BMP7: variants seen among roughly 807,000 people sequenced by gnomAD.
BMP7 encodes osteogenic protein 1.
Under a neutral mutation model 41.2 loss-of-function variants are expected in BMP7, and 12 were observed. The ratio of observed to expected loss-of-function variants is 0.29; its 90% confidence interval spans 0.19 to 0.47. The LOEUF (loss-of-function observed/expected upper bound fraction) is 0.47, where lower values mean the gene tolerates loss of function less well. Among genes scored for constraint, BMP7 ranks in the 20% least tolerant of loss-of-function variants. The pLI is 0.99. For missense variants in BMP7, 467 were observed against 606.0 expected, an observed-to-expected ratio of 0.77 and a Z score of 2.41; for synonymous variants, 248 against 250.0, an observed-to-expected ratio of 0.99 and a Z score of 0.07.
intron 1 of BMP7, among the ~76,000 whole-genome samples, chr20:57,252,772 G>A (rs930344996): frequency 6.6e-6 from 1 of 152,138 alleles, no homozygotes; most frequent in African/African-American, 2.4e-5. Context: ...ACCACTGTGG[G>A]TCAGTGCGTT....
At chr20:57,232,337 G>A (rs1351391083) in intron 1 of BMP7, among the ~76,000 whole-genome samples, 4 of 152,152 alleles carry the variant, frequency 2.6e-5, no homozygotes, top group South Asian at 2.1e-4. Flanking sequence ...CTAAAACAAT[G>A]AGCCAGAAGA....
At chr20:57,231,581 G>A (rs888667897) in intron 1 of BMP7, among the ~76,000 whole-genome samples, 1 of 152,204 alleles carries the variant, frequency 6.6e-6, no homozygotes, top group Non-Finnish European at 1.5e-5. Context: ...ACCAGGAGCG[G>A]TGAAGCACAG....
At chr20:57,260,498 T>G (rs192926776) in intron 1 of BMP7, among the ~76,000 whole-genome samples, 1 of 152,358 alleles carries the variant, frequency 6.6e-6, no homozygotes. Context: ...GTTATCATTT[T>G]CACCACAAAT....
chr20:57,239,537 C>T (rs929100742), intron 1 of BMP7, among the ~76,000 whole-genome samples: 1 of 152,326 alleles, frequency 6.6e-6, no homozygotes, highest in Admixed American at 6.5e-5. Flanking sequence ...AGGACAGTGG[C>T]CCTCTTCTCA....
In BMP7 at chr20:57,234,833, T is replaced by C. The variant is rs1233187366; in HGVS notation, c.419-6412A>G. Among the ~76,000 whole-genome samples the C allele has an allele frequency of 5.9e-5, 9 of 152,370 alleles. No individual in the cohort carries two copies. The East Asian group carries it at 1.7e-3, about 29-fold the overall frequency. Reference sequence around the variant, plus strand: ...GATGCTTAGCAGGGCCTCATAAATCTTCTGCATTGAACACATTACTCTTCA... The same window carrying C: ...GATGCTTAGCAGGGCCTCATAAATCCTCTGCATTGAACACATTACTCTTCA... On this transcript the variant is annotated intron_variant, in intron 1 of 6. Transcript: ENST00000395863.
Position 57,170,844 on chromosome 20 carries a change from G to T in BMP7, c.*115C>A. 1 of 1,325,062 alleles carries T rather than the reference G, an allele frequency of 7.5e-7. No homozygotes were observed. The highest frequency in any genetic ancestry group is 2.4e-5 in the East Asian group (1 of 40,998). The allele number at this position is 1,325,062 out of a possible 1,614,324, so 82.1% of individuals were successfully genotyped here. On this transcript the variant is annotated 3_prime_UTR_variant, in exon 7 of 7. Coordinates refer to ENST00000395863, the MANE Select transcript of BMP7 (RefSeq NM_001719.3). ...TAATACTCTCACACCTTTAAAGTTG[G>T]GGATAGGGAGGGGAAGGTCTCACAA... is the stretch of plus-strand genomic sequence containing the variant.
intron 2 of BMP7, among the ~76,000 whole-genome samples, chr20:57,211,669 G>A (rs1038424820): frequency 3.3e-5 from 5 of 152,190 alleles, no homozygotes; most frequent in African/African-American, 1.2e-4. Flanking sequence ...CTGATAACAG[G>A]GGAGGCAGGA....
chr20:57,183,574 T>G, intron 4 of BMP7, 148 bp downstream of exon 4: 1 of 984,410 alleles, frequency 1.0e-6, no homozygotes, highest in Admixed American at 2.0e-5. Flanking sequence ...TGTGTAGGGG[T>G]GGATTTGGGG....
intron 3 of BMP7, among the ~76,000 whole-genome samples, chr20:57,188,082 A>G (rs1253996681): frequency 6.6e-6 from 1 of 152,232 alleles, no homozygotes; most frequent in Non-Finnish European, 1.5e-5. Flanking sequence ...ACGTGACCCA[A>G]CAATTCCACT....
In BMP7 at chr20:57,183,902, T is replaced by C. The variant is rs746454446; in HGVS notation, c.778A>G (p.Lys260Glu). Residue 260 changes from lysine to glutamate, a missense_variant, in exon 4 of 7, where the codon AAG becomes GAG. By Grantham distance (56) the Lys-to-Glu change is moderately conservative (BLOSUM62 1). Coordinates refer to ENST00000395863, the MANE Select transcript of BMP7 (RefSeq NM_001719.3). ...ETLDGQSINP[K>E]LAGLIGRHGP... ...TGCCGCCCAATCAGGCCCGCCAACT[T>C]GGGGTTGATGCTCTGCCCTGGACAG... is the stretch of plus-strand genomic sequence containing the variant. 1 of 1,613,832 alleles carries C rather than the reference T, an allele frequency of 6.2e-7. No homozygotes were observed. The highest frequency in any genetic ancestry group is 8.5e-7 in the Non-Finnish European group (1 of 1,180,008).
intron 1 of BMP7, among the ~76,000 whole-genome samples, chr20:57,233,691 C>T (rs1413273823): frequency 6.6e-6 from 1 of 152,212 alleles, no homozygotes; most frequent in Non-Finnish European, 1.5e-5. Flanking sequence ...ATGAGACATA[C>T]TCAGGCAAAC....
At chr20:57,180,516 G>A (rs1274902640) in intron 4 of BMP7, among the ~76,000 whole-genome samples, 2 of 152,278 alleles carry the variant, frequency 1.3e-5, no homozygotes, top group African/African-American at 4.8e-5. Context: ...GCACCACCCT[G>A]ACTCTGGGTC....
At chr20:57,252,029 A>C (rs6123684) in intron 1 of BMP7, among the ~76,000 whole-genome samples, 21,659 of 152,212 alleles carry the variant, frequency 0.14, 1,656 homozygotes, top group Admixed American at 0.22. Flanking sequence ...GGGATCAATA[A>C]ACCCCATGAA....
intron 1 of BMP7, among the ~76,000 whole-genome samples, chr20:57,234,501 G>C (rs575607519): frequency 6.6e-6 from 1 of 152,330 alleles, no homozygotes; most frequent in African/African-American, 2.4e-5. Context: ...TCCAATCTAT[G>C]AGTTACGTTG....
rs993314252 is a variant in BMP7, at chr20:57,228,446, C to T, written c.419-25G>A. ...ACTGGAAGAGGAAGAGAACACACAC[C>T]AACACCGACAGCTCATTAGTGTCTG... On this transcript the variant is annotated intron_variant, in intron 1 of 6. Coordinates refer to ENST00000395863, the MANE Select transcript of BMP7 (RefSeq NM_001719.3). The surrounding 1 kb of genome is among the most constrained non-coding windows in gnomAD (Gnocchi z 4.5). The T allele has an allele frequency of 1.2e-6, 2 of 1,609,614 alleles. No homozygotes were observed. Among genetic ancestry groups the T allele is most frequent in the Non-Finnish European group, 8.5e-7 (1 of 1,176,012 alleles).
intron 3 of BMP7, among the ~76,000 whole-genome samples, chr20:57,197,940 A>C (rs1005757079): frequency 4.6e-5 from 7 of 152,058 alleles, no homozygotes; most frequent in Non-Finnish European, 1.0e-4. Flanking sequence ...TAAAAGCTGC[A>C]CCCACACTGG....
intron 1 of BMP7, among the ~76,000 whole-genome samples, chr20:57,245,990 G>T (rs6064518): frequency 0.26 from 39,473 of 152,032 alleles, 5,644 homozygotes; most frequent in Non-Finnish European, 0.32. Context: ...ATAAAGTTTA[G>T]AAACAGGCAA....
At chr20:57,206,003 T>C (rs529870287) in intron 2 of BMP7, among the ~76,000 whole-genome samples, 103 of 152,288 alleles carry the variant, frequency 6.8e-4, no homozygotes, top group South Asian at 2.7e-3. Context: ...AGCCCAGGCA[T>C]GAGGTTGGAC....
intron 2 of BMP7, among the ~76,000 whole-genome samples, chr20:57,206,049 C>T (rs1176965395): frequency 2.0e-5 from 3 of 152,194 alleles, no homozygotes; most frequent in Non-Finnish European, 4.4e-5. Flanking sequence ...TACTCAGCAG[C>T]CAGGTCCAGT....
Sources: gnomAD v4.1 joint callset for allele counts (sites outside exome capture counted in the v4.1 genomes callset) on GRCh38, gnomAD v4.1.1 for gene constraint, Gnocchi (gnomAD v3.1) non-coding constraint, MANE v1.5 for transcripts, NCBI Gene and HGNC (gene_info 2026-07-23, HGNC 2026-07-21) for gene names.